CENPH: variants seen among roughly 807,000 people sequenced by gnomAD.
CENPH encodes the protein centromere protein H.
Under a neutral mutation model 42.9 loss-of-function variants are expected in CENPH, and 40 were observed. The ratio of observed to expected loss-of-function variants is 0.93; its 90% CI spans 0.72 to 1.21. The LOEUF is 1.21. CENPH is among the 50% of genes most tolerant of loss of function. The pLI is 0.00. For missense variants in CENPH, 302 were observed against 292.9 expected (o/e 1.03, Z -0.23); for synonymous variants, 88 against 96.5 (o/e 0.91, Z 0.52).
In CENPH at chr5:69,197,079, A is replaced by G; in HGVS notation, c.341A>G (p.Lys114Arg). The change falls in exon 5 of 9, where the codon AAA (lysine) becomes AGA (arginine). Residue 114 changes from lysine to arginine, a missense_variant. Transcript: ENST00000283006. ...ATGAGACTTTCAACTGCACTTAAAA[A>G]AAACCTGGAGAAAATTAGCAGACAG... Reference protein sequence around the residue: ...DRMRLSTALKKNLEKISRQSS... With the variant: ...DRMRLSTALKRNLEKISRQSS... The G allele has an allele frequency of 6.3e-7, 1 of 1,581,914 alleles. No homozygotes were observed. Among genetic ancestry groups the G allele is most frequent in the East Asian group, 2.3e-5 (1 of 43,870 alleles).
intron 8 of CENPH, 114 bp downstream of exon 8, chr5:69,208,473 C>G (rs1298739931): frequency 3.3e-6 from 2 of 612,876 alleles, no homozygotes; most frequent in African/African-American, 3.8e-5. Flanking sequence ...ATTCTCCTGT[C>G]TCAGCCTCCT....
At chr5:69,193,747 C>T (rs760038293) in intron 2 of CENPH, among the ~76,000 whole-genome samples, 15 of 151,188 alleles carry the variant, frequency 9.9e-5, no homozygotes, top group South Asian at 2.1e-4. Flanking sequence ...CTGCAACCTC[C>T]GCCTCCCGGA....
chr5:69,189,749 C>A lies in CENPH; in HGVS notation c.115C>A (p.Arg39Ser). Residue 39 changes from arginine to serine, a missense_variant, in exon 1 of 9, where the codon CGC becomes AGC. Coordinates refer to ENST00000283006, the MANE Select transcript of CENPH (RefSeq NM_022909.4). ...AGAQAACSEDRMTLLLRLRAQ... is the reference protein window; with the variant it reads ...AGAQAACSEDSMTLLLRLRAQ... Reference sequence around the variant, plus strand: ...CGCCCAGGCGGCGTGCAGCGAGGACCGCATGACCCTGCTCCTCAGGTTGTT... The same window carrying A: ...CGCCCAGGCGGCGTGCAGCGAGGACAGCATGACCCTGCTCCTCAGGTTGTT... 1 of 1,535,368 alleles carries A rather than the reference C, an allele frequency of 6.5e-7. No individual in the cohort carries two copies. The highest frequency in any genetic ancestry group is 8.7e-7 in the Non-Finnish European group (1 of 1,144,590).
intron 5 of CENPH, among the ~76,000 whole-genome samples, chr5:69,199,086 A>C (rs571928280): frequency 6.6e-6 from 1 of 152,274 alleles, no homozygotes; most frequent in South Asian, 2.1e-4. Flanking sequence ...CACTGACATG[A>C]GTGTTGTCAG....
chr5:69,204,395 A>T (rs1444013838), intron 7 of CENPH, among the ~76,000 whole-genome samples: 1 of 148,148 alleles, frequency 6.8e-6, no homozygotes, highest in Non-Finnish European at 1.5e-5. Context: ...GGCTCAAGCC[A>T]TCCTCCCACC....
intron 1 of CENPH, among the ~76,000 whole-genome samples, chr5:69,190,543 T>A (rs1474395388): frequency 6.6e-6 from 1 of 151,804 alleles, no homozygotes; most frequent in Non-Finnish European, 1.5e-5. Flanking sequence ...CAGAAAAAAA[T>A]TTGCGGTCCT....
In CENPH at chr5:69,202,570, G is replaced by GAATCTTGGGATT; in HGVS notation, c.435+1_435+2insAATCTTGGGATT. ...TAAATTAATAATGAAATCACAGCAG[G>GAATCTTGGGATT]TAAACTTACACATTAGGCTGATTAT... is the stretch of plus-strand genomic sequence containing the variant. On this transcript the variant is annotated splice_donor_variant, in intron 6 of 8. Transcript: ENST00000283006. LOFTEE classifies it high-confidence loss of function. 1 of 1,524,538 alleles carries GAATCTTGGGATT rather than the reference G, an allele frequency of 6.6e-7. No individual in the cohort carries two copies. Among genetic ancestry groups the GAATCTTGGGATT allele is most frequent in the Non-Finnish European group, 9.1e-7 (1 of 1,104,598 alleles). 94.4% of individuals were successfully genotyped at this position (1,524,538 alleles called of 1,614,324 possible).
chr5:69,209,305 G>A (rs542112715), intron 8 of CENPH, among the ~76,000 whole-genome samples: 4 of 152,026 alleles, frequency 2.6e-5, no homozygotes, highest in African/African-American at 9.6e-5. Flanking sequence ...GGTGGATCAT[G>A]AGGTCAGGAG....
intron 5 of CENPH, among the ~76,000 whole-genome samples, chr5:69,201,938 G>A (rs1178360001): frequency 6.6e-6 from 1 of 152,138 alleles, no homozygotes; most frequent in Non-Finnish European, 1.5e-5. Flanking sequence ...ATGATGTGTC[G>A]ATATAGGTTT....
At chr5:69,208,947 A>G (rs1561325784) in intron 8 of CENPH, among the ~76,000 whole-genome samples, 1 of 147,140 alleles carries the variant, frequency 6.8e-6, no homozygotes, top group East Asian at 2.1e-4. Flanking sequence ...GGCATCTGCC[A>G]CCACACCTGG....
chr5:69,206,120 C>T (rs1748155278), intron 7 of CENPH, among the ~76,000 whole-genome samples: 2 of 151,974 alleles, frequency 1.3e-5, no homozygotes, highest in Admixed American at 1.3e-4. Context: ...CCACCTTGGC[C>T]TCCCAAAGTG....
At position 69,189,589 on chromosome 5, in the gene CENPH, T is replaced by C. The variant is rs1747827779; in HGVS notation, c.-46T>C. ...TAGTGGCGGGAAAAGCGACCTTTTC[T>C]GAGCGCGTTTGCCTGTTGAGTGGTA... On this transcript the variant is annotated 5_prime_UTR_variant, in exon 1 of 9. Coordinates refer to ENST00000283006, the MANE Select transcript of CENPH (RefSeq NM_022909.4). 6.6e-7 allele frequency: 1 copy of C among 1,522,252 alleles called. No homozygotes were observed. The highest frequency in any genetic ancestry group is 1.4e-5 in the African/African-American group (1 of 71,968). 94.3% of individuals were successfully genotyped at this position (1,522,252 alleles called of 1,614,324 possible). A position where few individuals can be genotyped will look rare whatever the true frequency, so the allele number is the denominator to read the frequency against.
At chr5:69,195,888 A>T in intron 4 of CENPH, 97 bp downstream of exon 4, 1 of 556,046 alleles carries the variant, frequency 1.8e-6, no homozygotes, top group African/African-American at 4.6e-5. Flanking sequence ...TGAGTGAATT[A>T]GTCAAGCACA....
intron 3 of CENPH, among the ~76,000 whole-genome samples, chr5:69,195,086 G>A (rs753645145): frequency 9.2e-5 from 14 of 152,130 alleles, no homozygotes; most frequent in Admixed American, 2.0e-4. Flanking sequence ...AAAATTAGCC[G>A]GGCGTGATGG....
rs151003845 is a variant in CENPH, at chr5:69,204,250, A to T, written c.487+1280A>T. Among the ~76,000 whole-genome samples the T allele has an allele frequency of 3.1e-3, 466 of 150,710 alleles. 5 individuals are homozygous for T. The highest frequency in any genetic ancestry group is 0.011 in the African/African-American group (453 of 41,100). On this transcript the variant is annotated intron_variant, in intron 7 of 8. Coordinates refer to ENST00000283006, the MANE Select transcript of CENPH (RefSeq NM_022909.4). ...TAAAGGTATACAAAGGAAAAGTTAA[A>T]TTTTTTTTATTTTCCATCAAAAGAT...
At chr5:69,205,373 G>A (rs888883622) in intron 7 of CENPH, among the ~76,000 whole-genome samples, 15 of 151,656 alleles carry the variant, frequency 9.9e-5, no homozygotes, top group Non-Finnish European at 2.1e-4. Context: ...GATTACAGGC[G>A]TGCCACCACG....
At chr5:69,205,131 G>A (rs1430001275) in intron 7 of CENPH, among the ~76,000 whole-genome samples, 1 of 151,612 alleles carries the variant, frequency 6.6e-6, no homozygotes, top group Non-Finnish European at 1.5e-5. Flanking sequence ...TGTTAGCCAG[G>A]ATGGTCTTGA....
intron 4 of CENPH, among the ~76,000 whole-genome samples, chr5:69,196,627 ACAGAG>A (rs528482818): frequency 2.0e-5 from 3 of 152,300 alleles, no homozygotes; most frequent in African/African-American, 7.2e-5. Flanking sequence ...ATTGTGGGTG[ACAGAG>A]CAAGATTCCC....
chr5:69,200,719 C>CTTATTTTT (rs1748043838), intron 5 of CENPH, among the ~76,000 whole-genome samples: 1 of 46,900 alleles, frequency 2.1e-5, no homozygotes, highest in Non-Finnish European at 4.2e-5. Context: ...ATCAGCGTAT[C>CTTATTTTT]TTTTTTTTTT....
Sources: gnomAD v4.1 joint callset for allele counts (sites outside exome capture counted in the v4.1 genomes callset) on GRCh38, gnomAD v4.1.1 for gene constraint, MANE v1.5 for transcripts, NCBI Gene and HGNC (gene_info 2026-07-23, HGNC 2026-07-21) for gene names.